Variants in GALNT17 observed in about 807,000 individuals in gnomAD.
GALNT17 encodes the protein polypeptide N-acetylgalactosaminyltransferase 17.
A neutral mutation model predicts 63.7 loss-of-function variants in GALNT17; 29 were observed. The ratio of observed to expected loss-of-function variants is 0.46; its 90% CI spans 0.34 to 0.62. The LOEUF is 0.62. GALNT17 is among the 20% of genes least tolerant of loss of function. The pLI is 0.01. For missense variants in GALNT17, 603 were observed against 799.6 expected (o/e 0.75, Z 2.97); for synonymous variants, 305 against 318.3 (o/e 0.96, Z 0.45).
intron 6 of GALNT17, among the ~76,000 whole-genome samples, chr7:71,573,328 T>TAA (rs1396883702): frequency 2.0e-5 from 3 of 150,614 alleles, no homozygotes; most frequent in African/African-American, 7.3e-5. Flanking sequence ...ATTAATTAAT[T>TAA]TATTTATTTA....
chr7:71,404,883 C>T (rs1793301185), intron 3 of GALNT17, among the ~76,000 whole-genome samples: 1 of 152,218 alleles, frequency 6.6e-6, no homozygotes, highest in Admixed American at 6.5e-5. Flanking sequence ...GAGGCGCCTG[C>T]CTCAAGTCCA....
intron 1 of GALNT17, among the ~76,000 whole-genome samples, chr7:71,197,081 A>G (rs1050003851): frequency 1.3e-5 from 2 of 151,848 alleles, no homozygotes; most frequent in African/African-American, 2.4e-5. Context: ...AAAATGGGGT[A>G]TCCATCCTCT....
At chr7:71,318,192 A>G (rs1348592987) in intron 1 of GALNT17, among the ~76,000 whole-genome samples, 1 of 152,178 alleles carries the variant, frequency 6.6e-6, no homozygotes, top group Non-Finnish European at 1.5e-5. Context: ...GGCATAAGCC[A>G]CTGTTCCCAG....
intron 5 of GALNT17, among the ~76,000 whole-genome samples, chr7:71,428,098 A>G (rs1786792727): frequency 6.6e-6 from 1 of 152,162 alleles, no homozygotes; most frequent in African/African-American, 2.4e-5. Context: ...ATATATATGT[A>G]ACATAAATTT....
intron 5 of GALNT17, among the ~76,000 whole-genome samples, chr7:71,539,673 T>G (rs1334885236): frequency 6.7e-6 from 1 of 149,854 alleles, no homozygotes; most frequent in Non-Finnish European, 1.5e-5. Flanking sequence ...GAGACACATA[T>G]GGACACATAT....
At chr7:71,516,901 T>C (rs1788454237) in intron 5 of GALNT17, among the ~76,000 whole-genome samples, 1 of 152,108 alleles carries the variant, frequency 6.6e-6, no homozygotes, top group Non-Finnish European at 1.5e-5. Context: ...CCTCCCAGGG[T>C]CATGCTTGGT....
chr7:71,678,551 G>C (rs1167904198), intron 9 of GALNT17, among the ~76,000 whole-genome samples: 2 of 151,858 alleles, frequency 1.3e-5, no homozygotes, highest in Non-Finnish European at 1.5e-5. Flanking sequence ...TAATCCCAGT[G>C]CTATGGGAGG....
chr7:71,221,695 C>T (rs1789587394), intron 1 of GALNT17, among the ~76,000 whole-genome samples: 1 of 152,192 alleles, frequency 6.6e-6, no homozygotes, highest in Admixed American at 6.5e-5. Flanking sequence ...GACCCAGAAA[C>T]TCATCTCTTT....
In GALNT17 at chr7:71,348,967, C is replaced by T. The variant is rs1792142562; in HGVS notation, c.422+13234C>T. 3.3e-5 allele frequency among the ~76,000 whole-genome samples: 5 copies of T among 152,228 alleles called. No homozygotes were observed. The South Asian group carries it at 1.0e-3, about 31-fold the overall frequency. ...ACATGGGCACACACACATCCCCACA[C>T]CCTACAAGGAAACCCAAGCTGGTTT... On this transcript the variant is annotated intron_variant, in intron 2 of 10. Transcript: ENST00000333538.
At chr7:71,661,192 T>G (rs1342013988) in intron 6 of GALNT17, among the ~76,000 whole-genome samples, 1 of 152,148 alleles carries the variant, frequency 6.6e-6, no homozygotes, top group Admixed American at 6.5e-5. Flanking sequence ...TCTACAGCTG[T>G]AGGTCAGCTC....
intron 1 of GALNT17, among the ~76,000 whole-genome samples, chr7:71,276,640 C>A (rs981908915): frequency 3.9e-5 from 6 of 152,158 alleles, no homozygotes; most frequent in Non-Finnish European, 8.8e-5. Context: ...TTGCCTTCTT[C>A]CATGATTGTG....
chr7:71,367,093 T>C (rs1792526353), intron 2 of GALNT17, among the ~76,000 whole-genome samples: 1 of 152,248 alleles, frequency 6.6e-6, no homozygotes, highest in South Asian at 2.1e-4. Flanking sequence ...TTCATGACTA[T>C]TTAATTGTCT....
At chr7:71,550,584 T>C (rs1281430011) in intron 5 of GALNT17, among the ~76,000 whole-genome samples, 4 of 152,164 alleles carry the variant, frequency 2.6e-5, no homozygotes, top group Non-Finnish European at 5.9e-5. Context: ...TTTTGCCATA[T>C]TGGCCAGGCT....
chr7:71,404,877 C>T (rs141604645), intron 3 of GALNT17, among the ~76,000 whole-genome samples: 20 of 152,312 alleles, frequency 1.3e-4, no homozygotes, highest in South Asian at 2.1e-4. Context: ...AAAAAGGAGG[C>T]GCCTGCCTCA....
At chr7:71,174,798 A>T (rs963061910) in intron 1 of GALNT17, among the ~76,000 whole-genome samples, 3 of 152,190 alleles carry the variant, frequency 2.0e-5, no homozygotes, top group African/African-American at 7.2e-5. Context: ...GTGGATCTTC[A>T]GTTGCTTCAG....
At chr7:71,199,708 T>C (rs11980144) in intron 1 of GALNT17, among the ~76,000 whole-genome samples, 2,692 of 119,582 alleles carry the variant, frequency 0.023, 89 homozygotes, top group African/African-American at 0.099. Flanking sequence ...CATCCATCCA[T>C]CCATGTATGT....
chr7:71,504,774 C>A lies in GALNT17; in HGVS notation c.963-66511C>A, dbSNP rs139959890. 1.4e-4 allele frequency among the ~76,000 whole-genome samples: 21 copies of A among 152,226 alleles called. No homozygotes were observed. In the East Asian group the frequency reaches 4.1e-3, roughly 29 times the overall value. On this transcript the variant is annotated intron_variant, in intron 5 of 10. Transcript: ENST00000333538. ...TATTGGGCCTGGCATGGATTCAGGG[C>A]AGTGTCAGAAAATACCCTGAATTCT...
intron 1 of GALNT17, among the ~76,000 whole-genome samples, chr7:71,299,736 T>C (rs1440998839): frequency 5.3e-5 from 8 of 152,032 alleles, no homozygotes; most frequent in Admixed American, 6.6e-5. Context: ...TGCTTGTAGA[T>C]TTCTGGAGGG....
intron 6 of GALNT17, among the ~76,000 whole-genome samples, chr7:71,655,719 C>T (rs1414712024): frequency 1.3e-5 from 2 of 152,166 alleles, no homozygotes; most frequent in Non-Finnish European, 2.9e-5. Context: ...TGCTAGAGAA[C>T]ATCTCCCCAC....
Sources: allele counts gnomAD v4.1 joint callset (sites outside exome capture counted in the v4.1 genomes callset), GRCh38; gene constraint gnomAD v4.1.1; transcripts MANE v1.5; gene names NCBI Gene and HGNC (gene_info 2026-07-23, HGNC 2026-07-21).